CLEC16A: variants seen among roughly 807,000 people sequenced by gnomAD.
CLEC16A encodes protein CLEC16A.
Under a neutral mutation model 109.5 loss-of-function variants are expected in CLEC16A, and 51 were observed. The ratio of observed to expected loss-of-function variants is 0.47; its 90% CI spans 0.37 to 0.59. The LOEUF (loss-of-function observed/expected upper bound fraction) is 0.59. Among genes scored for constraint, CLEC16A ranks in the 20% least tolerant of loss-of-function variants. CLEC16A has a pLI of 0.00. For missense variants in CLEC16A, 1,339 were observed against 1,394.0 expected, an observed-to-expected ratio of 0.96 and a Z score of 0.63; for synonymous variants, 673 against 564.2, an observed-to-expected ratio of 1.19 and a Z score of -2.73.
chr16:11,112,480 A>G (rs2051660366), intron 19 of CLEC16A, among the ~76,000 whole-genome samples: 1 of 138,044 alleles, frequency 7.2e-6, no homozygotes, highest in South Asian at 2.4e-4. Context: ...ACAACATAGC[A>G]AGATCCTATC....
At chr16:11,017,820 A>C (rs2045849043) in intron 11 of CLEC16A, among the ~76,000 whole-genome samples, 1 of 152,138 alleles carries the variant, frequency 6.6e-6, no homozygotes, top group Admixed American at 6.5e-5. Flanking sequence ...GTACTCCTCA[A>C]AATGTCCAGG....
intron 11 of CLEC16A, among the ~76,000 whole-genome samples, chr16:11,008,764 G>A (rs942970333): frequency 6.6e-6 from 1 of 150,442 alleles, no homozygotes; most frequent in Non-Finnish European, 1.5e-5. Flanking sequence ...GCCGAGGTGG[G>A]CAGATCACAA....
rs1294844196 is a variant in CLEC16A at position 11,141,600 on chromosome 16, T to C, written c.2641+15454T>C. ...CGCGAAGCAGGGAAGTGGCTGGACC[T>C]GACGCATGTCTGTCCAAGCTCCTTG... On this transcript the variant is annotated intron_variant, in intron 22 of 23. Coordinates refer to ENST00000409790, the MANE Select transcript of CLEC16A (RefSeq NM_015226.3). Among the ~76,000 whole-genome samples, 7 of 152,236 alleles carry C rather than the reference T, an allele frequency of 4.6e-5. No homozygotes were observed. In the East Asian group the frequency reaches 1.2e-3, roughly 25 times the overall value.
At chr16:11,043,925 C>G in intron 15 of CLEC16A, 103 bp from the exon 16 acceptor site, 2 of 775,412 alleles carry the variant, frequency 2.6e-6, no homozygotes, top group Non-Finnish European at 4.1e-6. Flanking sequence ...GATATTAGTC[C>G]AGATCTGTTT....
At chr16:10,956,718 A>G (rs1295624241) in intron 1 of CLEC16A, among the ~76,000 whole-genome samples, 1 of 152,150 alleles carries the variant, frequency 6.6e-6, no homozygotes, top group Non-Finnish European at 1.5e-5. Flanking sequence ...GAAGGTGTCT[A>G]CCTGTCTCAG....
At chr16:11,054,583 A>G (rs1286238551) in intron 18 of CLEC16A, among the ~76,000 whole-genome samples, 2 of 152,194 alleles carry the variant, frequency 1.3e-5, no homozygotes, top group Non-Finnish European at 2.9e-5. Flanking sequence ...AAGTCCTCCC[A>G]GGGTCCCTGG....
chr16:11,054,214 A>G (rs1216196155), intron 18 of CLEC16A, among the ~76,000 whole-genome samples: 1 of 152,242 alleles, frequency 6.6e-6, no homozygotes, highest in African/African-American at 2.4e-5. Flanking sequence ...GCTGGGGCAG[A>G]TGGTCCTGAT....
At chr16:11,164,184 G>A (rs980871099) in intron 22 of CLEC16A, among the ~76,000 whole-genome samples, 2 of 152,116 alleles carry the variant, frequency 1.3e-5, no homozygotes, top group Non-Finnish European at 2.9e-5. Flanking sequence ...CGGTAGGTGC[G>A]GGCAGGAAAT....
chr16:10,969,357 C>A, intron 4 of CLEC16A, 48 bp downstream of exon 4: 1 of 999,060 alleles, frequency 1.0e-6, no homozygotes, highest in Non-Finnish European at 1.4e-6. Flanking sequence ...CCACACGTGG[C>A]TTTTTTTTTT....
intron 1 of CLEC16A, among the ~76,000 whole-genome samples, chr16:10,945,179 T>C (rs887649106): frequency 6.6e-6 from 1 of 152,204 alleles, no homozygotes; most frequent in Non-Finnish European, 1.5e-5. Flanking sequence ...CGGGCAGATC[T>C]GGGTCCGAAT....
chr16:11,121,800 A>T (rs1295808596), intron 20 of CLEC16A, among the ~76,000 whole-genome samples: 5 of 149,368 alleles, frequency 3.3e-5, no homozygotes, highest in African/African-American at 1.2e-4. Flanking sequence ...GAATCGCTTG[A>T]ACCCAGGAGG....
chr16:11,114,340 A>G (rs1341045991), intron 19 of CLEC16A, among the ~76,000 whole-genome samples: 3 of 151,896 alleles, frequency 2.0e-5, no homozygotes, highest in African/African-American at 7.3e-5. Context: ...CCTAAGCCCC[A>G]CCCCTGTAGA....
chr16:10,980,456 C>T (rs2043259287), intron 9 of CLEC16A, among the ~76,000 whole-genome samples: 2 of 151,930 alleles, frequency 1.3e-5, no homozygotes, highest in South Asian at 2.1e-4. Flanking sequence ...CAACAGGACC[C>T]AAGCAAGCCA....
chr16:11,163,993 T>A (rs2054815732), intron 22 of CLEC16A, among the ~76,000 whole-genome samples: 1 of 152,166 alleles, frequency 6.6e-6, no homozygotes, highest in East Asian at 1.9e-4. Context: ...ACTGGTTCCA[T>A]GAGGCTGCGG....
intron 13 of CLEC16A, among the ~76,000 whole-genome samples, chr16:11,027,942 C>T (rs192902668): frequency 2.6e-5 from 4 of 152,270 alleles, no homozygotes; most frequent in Admixed American, 6.5e-5. Context: ...GGCTCACGCC[C>T]GTAATCCCAA....
At chr16:11,074,015 C>G (rs1211043469) in intron 19 of CLEC16A, among the ~76,000 whole-genome samples, 1 of 152,040 alleles carries the variant, frequency 6.6e-6, no homozygotes, top group Middle Eastern at 3.2e-3. Flanking sequence ...GACTTTTGTC[C>G]CCCTCTAATG....
At chr16:11,142,321 G>A (rs2053872762) in intron 22 of CLEC16A, among the ~76,000 whole-genome samples, 1 of 152,220 alleles carries the variant, frequency 6.6e-6, no homozygotes, top group Non-Finnish European at 1.5e-5. Context: ...GTTGGAAGCT[G>A]GGGGCACTGT....
intron 11 of CLEC16A, among the ~76,000 whole-genome samples, chr16:11,017,009 G>A (rs886357958): frequency 8.5e-6 from 1 of 117,138 alleles, no homozygotes; most frequent in Admixed American, 9.4e-5. Flanking sequence ...GCGGGGGGGG[G>A]GGTGCTCCTC....
chr16:11,004,093 G>A (rs948841959), intron 11 of CLEC16A, among the ~76,000 whole-genome samples: 1 of 152,114 alleles, frequency 6.6e-6, no homozygotes, highest in Admixed American at 6.5e-5. Context: ...GCACTCGTGT[G>A]TAGTACGTAT....
Sources: gnomAD v4.1 joint callset for allele counts (sites outside exome capture counted in the v4.1 genomes callset) on GRCh38, gnomAD v4.1.1 for gene constraint, MANE v1.5 for transcripts, NCBI Gene and HGNC (gene_info 2026-07-23, HGNC 2026-07-21) for gene names.